The following MON2 variants were observed in gnomAD, a reference collection of about 807,000 sequenced individuals.
MON2 encodes the protein protein MON2 homolog.
In MON2, 84 loss-of-function variants were observed where a neutral mutation model predicts 208.6. That is an observed-to-expected ratio of 0.40 (90% confidence interval 0.34 to 0.48). The LOEUF (loss-of-function observed/expected upper bound fraction) is 0.48, where lower values mean the gene tolerates loss of function less well. MON2 is among the 20% of genes least tolerant of loss of function. The pLI is 0.59. For missense variants in MON2, 1,611 were observed against 2,015.4 expected (o/e 0.80, Z 3.84); for synonymous variants, 660 against 694.0 (o/e 0.95, Z 0.77).
intron 23 of MON2, among the ~76,000 whole-genome samples, chr12:62,550,221 G>T (rs1227684953): frequency 6.6e-6 from 1 of 152,124 alleles, no homozygotes; most frequent in Non-Finnish European, 1.5e-5. Context: ...AGTCCTACAT[G>T]ACATCTTCAA....
At chr12:62,475,108 C>CT (rs2068996936) in intron 1 of MON2, among the ~76,000 whole-genome samples, 1 of 152,160 alleles carries the variant, frequency 6.6e-6, no homozygotes, top group Admixed American at 6.5e-5. Flanking sequence ...CCTAACCTTC[C>CT]TTTTTAGCTT....
chr12:62,483,091 A>G (rs1394093193), intron 1 of MON2: 6 of 152,230 alleles, frequency 3.9e-5, no homozygotes, highest in Non-Finnish European at 8.8e-5. Flanking sequence ...ATAATAATTT[A>G]ACGTAATAAT....
chr12:62,486,938 C>T (rs1255054015), intron 2 of MON2, among the ~76,000 whole-genome samples: 1 of 152,044 alleles, frequency 6.6e-6, no homozygotes, highest in Non-Finnish European at 1.5e-5. Context: ...TAATGATACT[C>T]GGCATAGATT....
chr12:62,485,927 C>A (rs1592839198), intron 2 of MON2, among the ~76,000 whole-genome samples: 1 of 152,184 alleles, frequency 6.6e-6, no homozygotes, highest in African/African-American at 2.4e-5. Flanking sequence ...TGGTCTCGAA[C>A]TCCTGACCTC....
chr12:62,589,729 G>C (rs1479822393), intron 34 of MON2, among the ~76,000 whole-genome samples: 1 of 131,768 alleles, frequency 7.6e-6, no homozygotes, highest in East Asian at 2.3e-4. Flanking sequence ...GGACAGTGTA[G>C]TCAGACCCCA....
intron 21 of MON2, 31 bp from the exon 22 acceptor site, chr12:62,546,866 C>G: frequency 2.0e-6 from 3 of 1,530,318 alleles, no homozygotes; most frequent in Non-Finnish European, 2.6e-6. Flanking sequence ...TTGGACTTCT[C>G]TTCCTAATTA....
intron 26 of MON2, 142 bp from the exon 27 acceptor site, chr12:62,565,095 G>A: frequency 1.3e-6 from 1 of 744,384 alleles, no homozygotes; most frequent in Non-Finnish European, 2.2e-6. Flanking sequence ...AATAGTTTGT[G>A]TCCTTTAGGG....
rs544600319 is a variant in MON2, at chr12:62,547,761, C to T, written c.2753+689C>T. ...ACGTTTTCTATGTTTAGATATGTTT[C>T]GGTACATAAATACTTATATTATGTT... is the stretch of plus-strand genomic sequence containing the variant. On this transcript the variant is annotated intron_variant, in intron 22 of 34. Transcript: ENST00000393630. Among the ~76,000 whole-genome samples the T allele has an allele frequency of 1.8e-4, 27 of 152,220 alleles. No individual in the cohort carries two copies. The East Asian group carries it at 4.5e-3, about 25-fold the overall frequency.
chr12:62,586,797 A>AT (rs1176982532), intron 33 of MON2, among the ~76,000 whole-genome samples: 3 of 152,122 alleles, frequency 2.0e-5, no homozygotes, highest in African/African-American at 7.2e-5. Context: ...ATTATAAAAT[A>AT]TTTTTTGATT....
intron 8 of MON2, among the ~76,000 whole-genome samples, chr12:62,509,853 A>G (rs2071301144): frequency 6.6e-6 from 1 of 150,570 alleles, no homozygotes; most frequent in African/African-American, 2.5e-5. Context: ...TAGAAAAGCA[A>G]TAGAGAGAAT....
intron 8 of MON2, among the ~76,000 whole-genome samples, chr12:62,523,694 C>A (rs572143460): frequency 2.0e-5 from 3 of 152,236 alleles, no homozygotes; most frequent in South Asian, 4.1e-4. Context: ...TTTTGAGATA[C>A]CCCAGCTAAA....
chr12:62,559,667 C>T (rs926130122), intron 25 of MON2, among the ~76,000 whole-genome samples: 1 of 151,804 alleles, frequency 6.6e-6, no homozygotes, highest in African/African-American at 2.4e-5. Context: ...TGCCTGTGAT[C>T]CCAGCCACAC....
At position 62,525,138 on chromosome 12, in the gene MON2, T is replaced by C. The variant is rs779533666; in HGVS notation, c.1164T>C (p.Asp388=). Residue 388 remains aspartate, a synonymous_variant, in exon 10 of 35, where the codon GAT becomes GAC. Coordinates refer to ENST00000393630, the MANE Select transcript of MON2 (RefSeq NM_015026.3). ...AGCATTCTACCAAGGTTTTTCGTGATATTGTAAATGCACTGGGATCTTTTA... is the reference window on the plus strand; with the variant it reads ...AGCATTCTACCAAGGTTTTTCGTGACATTGTAAATGCACTGGGATCTTTTA... The part of the protein sequence containing the change: ...MKQHSTKVFR[D]IVNALGSFIQ... 3.1e-6 allele frequency: 5 copies of C among 1,611,922 alleles called. No homozygotes were observed. The African/African-American group carries it at 6.7e-5, about 22-fold the overall frequency.
intron 32 of MON2, among the ~76,000 whole-genome samples, chr12:62,584,174 G>A (rs944724560): frequency 6.6e-6 from 1 of 152,042 alleles, no homozygotes; most frequent in African/African-American, 2.4e-5. Context: ...CAGAGGACAA[G>A]CAATTGCTGA....
intron 23 of MON2, among the ~76,000 whole-genome samples, chr12:62,551,569 A>G (rs78451328): frequency 0.013 from 1,915 of 152,344 alleles, 36 homozygotes; most frequent in East Asian, 0.024. Flanking sequence ...TGGCACAGAG[A>G]CACAAAGTGA....
chr12:62,528,132 G>A (rs1169050822), intron 11 of MON2, among the ~76,000 whole-genome samples: 2 of 151,934 alleles, frequency 1.3e-5, no homozygotes, highest in African/African-American at 4.8e-5. Context: ...AATAATAAAT[G>A]GCCAGAAAAT....
At chr12:62,527,671 A>G (rs1187506721) in intron 11 of MON2, among the ~76,000 whole-genome samples, 1 of 152,166 alleles carries the variant, frequency 6.6e-6, no homozygotes, top group Non-Finnish European at 1.5e-5. Context: ...GTAAATAAAT[A>G]AATACACAAG....
At chr12:62,529,029 C>T (rs965207086) in intron 11 of MON2, among the ~76,000 whole-genome samples, 1 of 152,110 alleles carries the variant, frequency 6.6e-6, no homozygotes, top group Non-Finnish European at 1.5e-5. Context: ...TCAAGTACAC[C>T]CCAGTGTCTG....
chr12:62,492,465 G>A (rs1454615730), intron 2 of MON2, among the ~76,000 whole-genome samples: 2 of 142,740 alleles, frequency 1.4e-5, no homozygotes, highest in East Asian at 2.1e-4. Flanking sequence ...TCCGCTTCCC[G>A]GGTTCACGCC....
Sources: gnomAD v4.1 joint callset for allele counts (sites outside exome capture counted in the v4.1 genomes callset) on GRCh38, gnomAD v4.1.1 for gene constraint, MANE v1.5 for transcripts, NCBI Gene and HGNC (gene_info 2026-07-23, HGNC 2026-07-21) for gene names.